Variants in MYO5C observed in about 807,000 individuals in gnomAD.
MYO5C encodes the protein myosin VC, also known as unconventional myosin-Vc.
MYO5C carries 194 observed loss-of-function variants against 235.7 expected under a neutral mutation model. That is an observed-to-expected ratio of 0.82 (90% CI 0.73 to 0.93). MYO5C has a LOEUF of 0.93. MYO5C is among the 40% of genes least tolerant of loss of function. The probability of loss-of-function intolerance (pLI) is 0.00; values close to 1 mark genes in which losing one functional copy is unlikely to be tolerated. For synonymous variants in MYO5C, 707 were observed against 754.8 expected (o/e 0.94, Z 1.04); for missense variants, 2,038 against 2,127.2 (o/e 0.96, Z 0.82).
chr15:52,200,412 G>C (rs571113627), intron 38 of MYO5C, among the ~76,000 whole-genome samples: 45 of 151,988 alleles, frequency 3.0e-4, no homozygotes, highest in African/African-American at 1.1e-3. Flanking sequence ...TACTAAAAAT[G>C]TAAAAATTAG....
At chr15:52,292,713 C>T (rs555782483) in intron 1 of MYO5C, among the ~76,000 whole-genome samples, 1 of 152,234 alleles carries the variant, frequency 6.6e-6, no homozygotes, top group African/African-American at 2.4e-5. Context: ...AGTGGAGACA[C>T]AGAGTTCACG....
In MYO5C at chr15:52,193,692, T is replaced by A; in HGVS notation, c.*210A>T. 1.9e-6 allele frequency: 1 copy of A among 534,772 alleles called. No individual in the cohort carries two copies. Among genetic ancestry groups the A allele is most frequent in the South Asian group, 2.4e-5 (1 of 41,900 alleles). 33.1% of individuals were successfully genotyped at this position (534,772 alleles called of 1,614,324 possible). A position where few individuals can be genotyped will look rare whatever the true frequency, so the allele number is the denominator to read the frequency against. On this transcript the variant is annotated 3_prime_UTR_variant, in exon 41 of 41. Transcript: ENST00000261839. ...TGAGATTCGAGAGTGAGACATGGCT[T>A]TTCCAAATACAGCTGGTGTGTGTGA...
intron 14 of MYO5C, 97 bp downstream of exon 14, chr15:52,248,603 C>G: frequency 1.1e-6 from 1 of 872,970 alleles, no homozygotes; most frequent in Non-Finnish European, 1.9e-6. Context: ...CACACACACA[C>G]ACACTCTCTC....
At chr15:52,282,363 G>A (rs561467168) in intron 2 of MYO5C, among the ~76,000 whole-genome samples, 1 of 152,174 alleles carries the variant, frequency 6.6e-6, no homozygotes, top group Non-Finnish European at 1.5e-5. Context: ...TTCACATCTT[G>A]ATGTTTTTCT....
At chr15:52,229,060 A>C in intron 25 of MYO5C, 73 bp downstream of exon 25, 1 of 1,568,330 alleles carries the variant, frequency 6.4e-7, no homozygotes, top group African/African-American at 1.4e-5. Context: ...TTAGCTGTCT[A>C]ATCTGTGGGA....
At chr15:52,238,378 A>G (rs538464431) in intron 21 of MYO5C, among the ~76,000 whole-genome samples, 26 of 152,222 alleles carry the variant, frequency 1.7e-4, no homozygotes, top group Admixed American at 3.9e-4. Context: ...TATTCTGCAC[A>G]AGCTGTGTAG....
intron 28 of MYO5C, among the ~76,000 whole-genome samples, chr15:52,224,191 G>A (rs982201913): frequency 2.0e-5 from 3 of 152,114 alleles, no homozygotes; most frequent in South Asian, 2.1e-4. Context: ...GCTGAGGCAC[G>A]CAAATCGCTT....
chr15:52,195,233 G>T, intron 40 of MYO5C, 144 bp downstream of exon 40: 1 of 557,840 alleles, frequency 1.8e-6, no homozygotes, highest in Non-Finnish European at 3.0e-6. Flanking sequence ...AAAATTTCCT[G>T]CTTACCTTTG....
intron 8 of MYO5C, chr15:52,265,302 G>A (rs903321818): frequency 6.6e-6 from 1 of 152,206 alleles, no homozygotes; most frequent in African/African-American, 2.4e-5. Context: ...CCCACACGCT[G>A]TGAGCCCGGT....
chr15:52,273,383 T>C (rs1283840839), intron 5 of MYO5C, among the ~76,000 whole-genome samples: 2 of 152,330 alleles, frequency 1.3e-5, no homozygotes, highest in African/African-American at 2.4e-5. Flanking sequence ...CTATCTGTAA[T>C]ATGAGAATCA....
intron 21 of MYO5C, among the ~76,000 whole-genome samples, chr15:52,237,883 C>G (rs1206723707): frequency 6.6e-6 from 1 of 152,120 alleles, no homozygotes; most frequent in African/African-American, 2.4e-5. Context: ...GTTTCCAATT[C>G]TGGCAAACCA....
chr15:52,229,917 T>C (rs1246734645), intron 24 of MYO5C, among the ~76,000 whole-genome samples: 1 of 152,200 alleles, frequency 6.6e-6, no homozygotes, highest in Non-Finnish European at 1.5e-5. Context: ...GGGCACTGTA[T>C]TCCCAACCCC....
rs151311082 is a variant in MYO5C at position 52,196,687 on chromosome 15, C to T, written c.4821-204G>A. On this transcript the variant is annotated intron_variant, in intron 38 of 40. Transcript: ENST00000261839. The stretch of plus-strand genomic sequence containing the variant: ...CTCATGGTGGTCTAGGCTGAGGGGC[C>T]GGAACAGCTACAGACTTTGGGGAAA... Among the ~76,000 whole-genome samples the T allele has an allele frequency of 3.2e-3, 485 of 152,106 alleles. 1 individual carries two copies. The highest frequency in any genetic ancestry group is 0.011 in the African/African-American group (461 of 41,468).
rs760823466 is a variant in MYO5C at position 52,196,417 on chromosome 15, T to C, written c.4887A>G (p.Glu1629=). The change falls in exon 39 of 41, where the codon GAA becomes GAG. Residue 1629 remains glutamate (E), a synonymous_variant. Coordinates refer to ENST00000261839, the MANE Select transcript of MYO5C (RefSeq NM_018728.4). ...CTGCCTGAGAGAGGGGCTCCAAAGT[T>C]TCCTTTGCTAAGCTGTTCTGCAAGT... is the stretch of plus-strand genomic sequence containing the variant. ...DKNLQNSLAK[E]TLEPLSQAAW... 1.2e-6 allele frequency: 2 copies of C among 1,614,214 alleles called. No homozygotes were observed. Among genetic ancestry groups the C allele is most frequent in the Non-Finnish European group, 8.5e-7 (1 of 1,180,034 alleles).
intron 9 of MYO5C, among the ~76,000 whole-genome samples, chr15:52,261,721 C>G (rs2036700514): frequency 6.6e-6 from 1 of 152,214 alleles, no homozygotes; most frequent in African/African-American, 2.4e-5. Flanking sequence ...CAAGCCAGGG[C>G]ATGAGAGCTG....
rs767416234 is a variant in MYO5C at position 52,247,500 on chromosome 15, G to C, written c.1839C>G (p.Ile613Met). ...MITVKSAKQV[I>M]KPNSKHFRTT... ...TCCGGAAATGCTTGCTGTTTGGCTT[G>C]ATGACTTGCTTTGCAGATTTAACTG... The change falls in exon 15 of 41, where the codon ATC (isoleucine) becomes ATG (methionine). Residue 613 changes from isoleucine (I) to methionine (M), a missense_variant. Coordinates refer to ENST00000261839, the MANE Select transcript of MYO5C (RefSeq NM_018728.4). 6.2e-7 allele frequency: 1 copy of C among 1,614,164 alleles called. No homozygotes were observed. Among genetic ancestry groups the C allele is most frequent in the Non-Finnish European group, 8.5e-7 (1 of 1,180,032 alleles).
At chr15:52,253,584 C>G in intron 11 of MYO5C, 127 bp from the exon 12 acceptor site, 1 of 904,462 alleles carries the variant, frequency 1.1e-6, no homozygotes, top group Non-Finnish European at 1.7e-6. Context: ...AAGAAGGACC[C>G]TGAAGTATAG....
chr15:52,237,921 C>G (rs1187715385), intron 21 of MYO5C, among the ~76,000 whole-genome samples: 1 of 151,234 alleles, frequency 6.6e-6, no homozygotes, highest in African/African-American at 2.4e-5. Context: ...TGAACTGTGC[C>G]CCCCGCCAAA....
chr15:52,242,380 T>A, intron 19 of MYO5C, 167 bp from the exon 20 acceptor site: 1 of 680,010 alleles, frequency 1.5e-6, no homozygotes, highest in Non-Finnish European at 2.4e-6. Context: ...TTGAGGCCAG[T>A]CCCCAGTTCC....
Sources: gnomAD v4.1 joint callset for allele counts (sites outside exome capture counted in the v4.1 genomes callset) on GRCh38, gnomAD v4.1.1 for gene constraint, MANE v1.5 for transcripts, NCBI Gene and HGNC (gene_info 2026-07-23, HGNC 2026-07-21) for gene names.